Variants in DHRSX observed in about 807,000 individuals in gnomAD.
The protein encoded by DHRSX is dehydrogenase/reductase X-linked, also known as polyprenol dehydrogenase.
Under a neutral mutation model 34.0 loss-of-function variants are expected in DHRSX, and 31 were observed. The observed-to-expected ratio is 0.91, with a 90% CI of 0.69 to 1.23. The LOEUF is 1.23. DHRSX is among the 50% of genes most tolerant of loss of function. The pLI, the probability that DHRSX is intolerant of heterozygous loss-of-function variation, is 0.00. For missense variants in DHRSX, 414 were observed against 428.1 expected (o/e 0.97, Z 0.29); for synonymous variants, 201 against 183.8 (o/e 1.09, Z -0.76).
intron 1 of DHRSX, among the ~76,000 whole-genome samples, chrX:2,485,397 T>C (rs942093834): frequency 2.4e-4 from 37 of 151,154 alleles, no homozygotes; most frequent in African/African-American, 7.5e-4. Context: ...CAACAGCACT[T>C]GGAAAGGGCA....
At chrX:2,468,841 A>ACAAT in intron 1 of DHRSX, among the ~76,000 whole-genome samples, 1 of 151,468 alleles carries the variant, frequency 6.6e-6, no homozygotes, top group African/African-American at 2.4e-5. Flanking sequence ...ACGTTCCCTA[A>ACAAT]GCTTGTGGCT....
chrX:2,421,018 T>C (rs1332242002), intron 2 of DHRSX, among the ~76,000 whole-genome samples: 1 of 152,178 alleles, frequency 6.6e-6, no homozygotes, highest in African/African-American at 2.4e-5. Context: ...TATACTATTT[T>C]ACAAACCCTG....
At chrX:2,282,673 GGA>G (rs1049519000) in intron 4 of DHRSX, among the ~76,000 whole-genome samples, 12 of 139,486 alleles carry the variant, frequency 8.6e-5, no homozygotes, top group East Asian at 2.3e-4. Context: ...TGGGAGAAAA[GGA>G]GAGAGAGAAG....
chrX:2,371,129 GCCATTACCATAGTCCCCCCTCCT>G (rs2043053519), intron 3 of DHRSX, among the ~76,000 whole-genome samples: 1 of 149,856 alleles, frequency 6.7e-6, no homozygotes, highest in Admixed American at 6.7e-5. Flanking sequence ...ATCCCTCCCC[GCCATTACCATAGTCCCCCCTCCT>G]CCATTACCGT....
chrX:2,493,280 G>C (rs1283150726), intron 1 of DHRSX, among the ~76,000 whole-genome samples: 1 of 152,092 alleles, frequency 6.6e-6, no homozygotes, highest in Non-Finnish European at 1.5e-5. Flanking sequence ...TCCTAAGTCC[G>C]ACCTGAGTGA....
chrX:2,471,523 C>CAT (rs1178813708), intron 1 of DHRSX, among the ~76,000 whole-genome samples: 1 of 150,820 alleles, frequency 6.6e-6, no homozygotes, highest in Non-Finnish European at 1.5e-5. Flanking sequence ...GAGATTGAGC[C>CAT]ATTGCACTGC....
At chrX:2,359,237 A>G (rs1467664095) in intron 3 of DHRSX, among the ~76,000 whole-genome samples, 3 of 152,198 alleles carry the variant, frequency 2.0e-5, no homozygotes, top group Non-Finnish European at 4.4e-5. Context: ...CCACTCAGCA[A>G]TCCCATGCCT....
At chrX:2,422,187 T>C (rs1230246078) in intron 2 of DHRSX, among the ~76,000 whole-genome samples, 1 of 152,214 alleles carries the variant, frequency 6.6e-6, no homozygotes, top group Middle Eastern at 3.2e-3. Flanking sequence ...CATGATCATC[T>C]TTCCATAATG....
chrX:2,298,681 T>C (rs904216422), intron 3 of DHRSX, among the ~76,000 whole-genome samples: 1 of 137,916 alleles, frequency 7.3e-6, no homozygotes, highest in African/African-American at 3.6e-5. Context: ...TGAGAACCCT[T>C]ACTTTTAAAG....
At chrX:2,350,509 C>T (rs2042776845) in intron 3 of DHRSX, among the ~76,000 whole-genome samples, 1 of 152,090 alleles carries the variant, frequency 6.6e-6, no homozygotes, top group Non-Finnish European at 1.5e-5. Flanking sequence ...ATGTCACTGA[C>T]ATGTAGAATC....
At chrX:2,466,175 A>G (rs1246464637) in intron 1 of DHRSX, among the ~76,000 whole-genome samples, 1 of 152,244 alleles carries the variant, frequency 6.6e-6, no homozygotes, top group Non-Finnish European at 1.5e-5. Context: ...GTGGCGGCGC[A>G]TGCCTGTAAT....
intron 3 of DHRSX, among the ~76,000 whole-genome samples, chrX:2,353,897 A>C (rs1027306587): frequency 9.9e-5 from 15 of 152,024 alleles, no homozygotes; most frequent in African/African-American, 3.6e-4. Flanking sequence ...AAGGGCCAGC[A>C]AATTATATGT....
At chrX:2,331,008 G>A (rs2042465781) in intron 3 of DHRSX, among the ~76,000 whole-genome samples, 1 of 152,150 alleles carries the variant, frequency 6.6e-6, no homozygotes, top group African/African-American at 2.4e-5. Flanking sequence ...CTTAGCAGAA[G>A]GGAGAACAGG....
chrX:2,346,315 A>G (rs1034122358), intron 3 of DHRSX, among the ~76,000 whole-genome samples: 2 of 152,138 alleles, frequency 1.3e-5, no homozygotes, highest in Admixed American at 6.6e-5. Context: ...ATCCATAAAA[A>G]TGCAATGTGC....
intron 2 of DHRSX, among the ~76,000 whole-genome samples, chrX:2,416,090 T>C (rs1261330966): frequency 1.3e-5 from 2 of 151,898 alleles, no homozygotes; most frequent in African/African-American, 4.8e-5. Flanking sequence ...GATCTCGTCA[T>C]GACCAACCAA....
At position 2,219,714 on chromosome X, in the gene DHRSX, T is replaced by C. The variant is rs4073084; in HGVS notation, c.*1327A>G. Reference sequence around the variant, plus strand: ...CCTGGATTTGAATAGTCAGTGGGATTTTGTCACTTAGTGGAATGGATAATA... The same window carrying C: ...CCTGGATTTGAATAGTCAGTGGGATCTTGTCACTTAGTGGAATGGATAATA... On this transcript the variant is annotated 3_prime_UTR_variant, in exon 7 of 7. Coordinates refer to ENST00000334651, the MANE Select transcript of DHRSX (RefSeq NM_145177.3). 0.028 allele frequency: 4,248 copies of C among 152,204 alleles called. 81 individuals are homozygous for C. Among genetic ancestry groups the C allele is most frequent in the South Asian group, 0.063 (305 of 4,826 alleles). 9.4% of individuals were successfully genotyped at this position (152,204 alleles called of 1,614,324 possible).
intron 5 of DHRSX, among the ~76,000 whole-genome samples, chrX:2,257,465 G>A (rs1438957865): frequency 2.6e-5 from 4 of 152,104 alleles, no homozygotes; most frequent in Admixed American, 2.6e-4. Flanking sequence ...GTCATCTAGG[G>A]GCTCCTACAG....
rs57586340 is a variant in DHRSX, at chrX:2,449,189, CA to C, written c.110-23886del. 2.2e-3 allele frequency among the ~76,000 whole-genome samples: 318 copies of C among 143,686 alleles called. 2 individuals carry two copies. The highest frequency in any genetic ancestry group is 6.8e-3 in the East Asian group (32 of 4,700). The allele number at this position is 143,686 out of a possible 152,430, so 94.3% of individuals were successfully genotyped here. ...GGGCAACAAGAGTAAAACTCTGTCT[CA>C]AAAAAAAAAAAAAATGTGTCCACTC... On this transcript the variant is annotated intron_variant, in intron 1 of 6. Transcript: ENST00000334651.
intron 4 of DHRSX, among the ~76,000 whole-genome samples, chrX:2,287,262 C>T (rs1036241743): frequency 1.3e-5 from 2 of 152,158 alleles, no homozygotes; most frequent in Non-Finnish European, 1.5e-5. Flanking sequence ...AATGCCCACA[C>T]TGTAATCCCC....
Sources: gnomAD v4.1 joint callset for allele counts (sites outside exome capture counted in the v4.1 genomes callset) on GRCh38, gnomAD v4.1.1 for gene constraint, MANE v1.5 for transcripts, NCBI Gene and HGNC (gene_info 2026-07-23, HGNC 2026-07-21) for gene names.